ARMH1: variants seen among roughly 807,000 people sequenced by gnomAD.
ARMH1 encodes the protein armadillo-like helical domain containing protein 1.
ARMH1 carries 34 observed loss-of-function variants against 50.2 expected under a neutral mutation model. That is an observed-to-expected ratio of 0.68 (90% CI 0.51 to 0.90). ARMH1 has a LOEUF of 0.90. ARMH1 is among the 40% of genes least tolerant of loss of function. The pLI is 0.00. For synonymous variants in ARMH1, 221 were observed against 224.2 expected (o/e 0.99, Z 0.13); for missense variants, 538 against 553.9 (o/e 0.97, Z 0.29).
chr1:44,720,239 G>A (rs904779010), intron 6 of ARMH1, among the ~76,000 whole-genome samples: 9 of 150,432 alleles, frequency 6.0e-5, no homozygotes, highest in African/African-American at 1.5e-4. Context: ...TGGGGTATAC[G>A]GGGAGACAGC....
rs942789560 is a variant in ARMH1, at chr1:44,724,857, G to A, written c.1128+18G>A. ...TCTTCCTGGTAAGTGCGCCCTTCCT[G>A]CCCCGCCGCAATGAGCAGATGGCGG... On this transcript the variant is annotated intron_variant, in intron 10 of 11. Transcript: ENST00000535358. This position sits in a 1 kb window ranked among gnomAD's most constrained non-coding sequence, Gnocchi z 6.4. 2 of 1,516,964 alleles carry A rather than the reference G, an allele frequency of 1.3e-6. No individual in the cohort carries two copies. Among genetic ancestry groups the A allele is most frequent in the Non-Finnish European group, 1.8e-6 (2 of 1,135,834 alleles). The allele number at this position is 1,516,964 out of a possible 1,614,324, so 94.0% of individuals were successfully genotyped here.
intron 3 of ARMH1, 21 bp from the exon 4 acceptor site, chr1:44,698,042 C>T: frequency 6.6e-7 from 1 of 1,506,206 alleles, no homozygotes; most frequent in Non-Finnish European, 8.9e-7. Context: ...TTTATTTCTA[C>T]TTTTCTATCC....
At chr1:44,678,626 G>T (rs2148561237) in intron 1 of ARMH1, among the ~76,000 whole-genome samples, 1 of 152,280 alleles carries the variant, frequency 6.6e-6, no homozygotes, top group Middle Eastern at 3.4e-3. Flanking sequence ...TTAGGAGTCA[G>T]GGACGGGAGC....
At chr1:44,698,559 C>G (rs534427407) in intron 4 of ARMH1, among the ~76,000 whole-genome samples, 1 of 152,158 alleles carries the variant, frequency 6.6e-6, no homozygotes, top group East Asian at 1.9e-4. Flanking sequence ...ACCTGTAATC[C>G]CAGCATTTTG....
intron 2 of ARMH1, chr1:44,692,974 C>T (rs1645707783): frequency 6.6e-6 from 1 of 152,218 alleles, no homozygotes; most frequent in African/African-American, 2.4e-5. Flanking sequence ...AACTCCTGGC[C>T]TCATGCGATC....
In ARMH1 at chr1:44,683,543, G is replaced by C. The variant is rs1023860279; in HGVS notation, c.-22-6133G>C. Among the ~76,000 whole-genome samples the C allele has an allele frequency of 1.3e-5, 2 of 152,174 alleles. No individual in the cohort carries two copies. The highest frequency in any genetic ancestry group is 4.8e-5 in the African/African-American group (2 of 41,438). On this transcript the variant is annotated intron_variant, in intron 1 of 11. Coordinates refer to ENST00000535358, the MANE Select transcript of ARMH1 (RefSeq NM_001145636.2). This position sits in a 1 kb window ranked among gnomAD's most constrained non-coding sequence, Gnocchi z 4.2. Reference sequence around the variant, plus strand: ...TCAGAGAGTCTGGAGTAGAACCAGGGGATTCTGGGGTTAGGAAAAGAGTCA... The same window carrying C: ...TCAGAGAGTCTGGAGTAGAACCAGGCGATTCTGGGGTTAGGAAAAGAGTCA...
In ARMH1 at chr1:44,724,371, C is replaced by T. The variant is rs1299430690; in HGVS notation, c.899C>T (p.Ala300Val). Reference protein sequence around the residue: ...TPSLPMFLQQAAAAKAIGVLA... With the variant: ...TPSLPMFLQQVAAAKAIGVLA... ...AGCCTGCCGATGTTTTTGCAGCAGG[C>T]CGCGGCCGCCAAGGCCATCGGGTAA... is the stretch of plus-strand genomic sequence containing the variant. The change falls in exon 8 of 12, where the codon GCC (alanine) becomes GTC (valine). Residue 300 changes from alanine to valine, a missense_variant. Physicochemically the swap from Ala to Val is moderately conservative, Grantham distance 64. Transcript: ENST00000535358. The surrounding 1 kb of genome is among the most constrained non-coding windows in gnomAD (Gnocchi z 6.4). The T allele has an allele frequency of 6.4e-7, 1 of 1,550,950 alleles. No individual in the cohort carries two copies. Among genetic ancestry groups the T allele is most frequent in the Admixed American group, 2.0e-5 (1 of 51,006 alleles).
intron 6 of ARMH1, among the ~76,000 whole-genome samples, chr1:44,705,553 G>T (rs1407688795): frequency 2.6e-5 from 4 of 151,836 alleles, no homozygotes; most frequent in Non-Finnish European, 5.9e-5. Flanking sequence ...TACAAACCCT[G>T]GTACATATTA....
intron 4 of ARMH1, 127 bp from the exon 5 acceptor site, chr1:44,700,796 C>A: frequency 1.4e-6 from 1 of 730,404 alleles, no homozygotes; most frequent in Non-Finnish European, 2.2e-6. Context: ...AGAACCAGGC[C>A]TCAATTTTGC....
At position 44,704,057 on chromosome 1, in the gene ARMH1, T is replaced by C. The variant is rs1174537984; in HGVS notation, c.640-32T>C. 1.9e-5 allele frequency: 27 copies of C among 1,450,972 alleles called. No individual in the cohort carries two copies. In the Admixed American group the frequency reaches 2.2e-4, roughly 12 times the overall value. 89.9% of individuals were successfully genotyped at this position (1,450,972 alleles called of 1,614,324 possible). A position where few individuals can be genotyped will look rare whatever the true frequency, so the allele number is the denominator to read the frequency against. On this transcript the variant is annotated intron_variant, in intron 5 of 11. Transcript: ENST00000535358. ...CCATCTTTAAAAAAAAAAAAAAGAC[T>C]AACCACCTTGTCCTGTTGTCTGTCT... is the stretch of plus-strand genomic sequence containing the variant.
At chr1:44,678,338 T>C (rs1269813023) in intron 1 of ARMH1, among the ~76,000 whole-genome samples, 1 of 147,658 alleles carries the variant, frequency 6.8e-6, no homozygotes, top group African/African-American at 2.5e-5. Context: ...GAGGATTTCA[T>C]AGGAAGGAGA....
intron 1 of ARMH1, chr1:44,689,356 C>T: frequency 3.6e-6 from 1 of 275,296 alleles, no homozygotes; most frequent in Non-Finnish European, 7.1e-6. Context: ...AGTCACCACG[C>T]CCGGCCTTGG....
chr1:44,705,469 G>A (rs1268457098), intron 6 of ARMH1, among the ~76,000 whole-genome samples: 1 of 151,814 alleles, frequency 6.6e-6, no homozygotes. Flanking sequence ...CTCCAGCCTG[G>A]GTGACAGAGC....
chr1:44,721,585 C>G lies in ARMH1; in HGVS notation c.725-2537C>G, dbSNP rs375605073. Among the ~76,000 whole-genome samples the G allele has an allele frequency of 2.6e-4, 39 of 152,078 alleles. No homozygotes were observed. The East Asian group carries it at 6.2e-3, about 24-fold the overall frequency. On this transcript the variant is annotated intron_variant, in intron 6 of 11. Transcript: ENST00000535358. Reference sequence around the variant, plus strand: ...AAGCTAAAAAAACATGACAGTAGGCCGGGCACTACAAAAAGTACACAAAAT... The same window carrying G: ...AAGCTAAAAAAACATGACAGTAGGCGGGGCACTACAAAAAGTACACAAAAT...
chr1:44,710,608 C>CAAAAAAA (rs56731047), intron 6 of ARMH1, among the ~76,000 whole-genome samples: 1 of 92,894 alleles, frequency 1.1e-5, no homozygotes, highest in Non-Finnish European at 2.1e-5. Context: ...GACTCCGTCT[C>CAAAAAAA]AAAAAAAAAA....
intron 6 of ARMH1, among the ~76,000 whole-genome samples, chr1:44,708,194 A>C (rs1646431197): frequency 6.6e-6 from 1 of 152,246 alleles, no homozygotes; most frequent in Admixed American, 6.5e-5. Flanking sequence ...CGGGTCCTAC[A>C]TGTGGTCCTA....
At chr1:44,707,027 G>T (rs1646371994) in intron 6 of ARMH1, among the ~76,000 whole-genome samples, 1 of 151,946 alleles carries the variant, frequency 6.6e-6, no homozygotes, top group Admixed American at 6.6e-5. Context: ...GCCCTTCCCT[G>T]ACCCTGCCTT....
chr1:44,712,668 C>CTT (rs1016685704), intron 6 of ARMH1, among the ~76,000 whole-genome samples: 147 of 139,040 alleles, frequency 1.1e-3, no homozygotes, highest in African/African-American at 3.5e-3. Context: ...CTTCTTTTTT[C>CTT]TTTTTTTTTT....
intron 6 of ARMH1, among the ~76,000 whole-genome samples, chr1:44,720,957 A>G (rs1647083409): frequency 6.6e-6 from 1 of 152,146 alleles, no homozygotes; most frequent in Admixed American, 6.6e-5. Context: ...GAATCCCTTG[A>G]ACCCAGGAGG....
Sources: allele counts gnomAD v4.1 joint callset (sites outside exome capture counted in the v4.1 genomes callset), GRCh38; gene constraint gnomAD v4.1.1; non-coding constraint Gnocchi (gnomAD v3.1); transcripts MANE v1.5; gene names NCBI Gene and HGNC (gene_info 2026-07-23, HGNC 2026-07-21).